Variants in TAPBPL observed in about 807,000 individuals in gnomAD.
The protein encoded by TAPBPL is TAP binding protein like, also known as tapasin-related protein.
A neutral mutation model predicts 44.8 loss-of-function variants in TAPBPL; 32 were observed. The ratio of observed to expected loss-of-function variants is 0.71; its 90% CI spans 0.54 to 0.96. The LOEUF is 0.96. TAPBPL is among the 40% of genes least tolerant of loss of function. The pLI is 0.00. For missense variants in TAPBPL, 520 were observed against 586.6 expected, an observed-to-expected ratio of 0.89 and a Z score of 1.17; for synonymous variants, 230 against 240.7, an observed-to-expected ratio of 0.96 and a Z score of 0.41.
At chr12:6,471,178 C>G (rs767737285), downstream of TAPBPL, among the ~76,000 whole-genome samples, 1 of 152,168 alleles carries the variant, frequency 6.6e-6, no homozygotes, top group Non-Finnish European at 1.5e-5. This position sits in a 1 kb window ranked among gnomAD's most constrained non-coding sequence, Gnocchi z 4.0. Flanking sequence ...GCAGGAGCCT[C>G]GAGACACAGC....
At position 6,453,673 on chromosome 12, in the gene TAPBPL, G is replaced by A. The variant is rs757552509; in HGVS notation, c.522G>A (p.Thr174=). 46 of 1,612,788 alleles carry A rather than the reference G, an allele frequency of 2.9e-5. No homozygotes were observed. Among genetic ancestry groups the A allele is most frequent in the Middle Eastern group, 1.8e-4 (1 of 5,580 alleles). The change falls in exon 3 of 7, where the codon ACG becomes ACA. Residue 174 remains threonine (T), a synonymous_variant. Transcript: ENST00000266556. The surrounding 1 kb of genome is among the most constrained non-coding windows in gnomAD (Gnocchi z 4.8). ...AGAATGAGGCGCTCTGGCACCCGAC[G>A]CTGAACTTGCCACTGAGCCCCCAGG... ...VTKNEALWHP[T]LNLPLSPQGT... is the part of the protein sequence containing the mutation.
Position 6,453,175 on chromosome 12 carries a change from C to T in TAPBPL, c.173C>T (p.Ala58Val). ...RGALASSEDR[A>V]RASLVLKQVP... ...GCTCTCGCCAGCAGTGAGGACAGGGCAAGGGCCTCCCTTGTGCTGAAGCAG... is the reference window on the plus strand; with the variant it reads ...GCTCTCGCCAGCAGTGAGGACAGGGTAAGGGCCTCCCTTGTGCTGAAGCAG... Residue 58 changes from alanine to valine, a missense_variant, in exon 2 of 7, where the codon GCA becomes GTA. By Grantham distance (64) the Ala-to-Val change is moderately conservative. Transcript: ENST00000266556. This position sits in a 1 kb window ranked among gnomAD's most constrained non-coding sequence, Gnocchi z 4.8. 6.2e-7 allele frequency: 1 copy of T among 1,610,954 alleles called. No homozygotes were observed. Among genetic ancestry groups the T allele is most frequent in the Non-Finnish European group, 8.5e-7 (1 of 1,178,902 alleles).
downstream of TAPBPL, chr12:6,465,238 G>A (rs577948742): frequency 1.4e-4 from 65 of 459,842 alleles, no homozygotes; most frequent in African/African-American, 1.1e-3. Context: ...ACAGACTCTG[G>A]ATATTTAACC....
In TAPBPL at chr12:6,453,420, CTCTG is replaced by C; in HGVS notation, c.296-25_296-22del. 2.5e-6 allele frequency: 4 copies of C among 1,612,682 alleles called. No individual in the cohort carries two copies. Among genetic ancestry groups the C allele is most frequent in the Non-Finnish European group, 3.4e-6 (4 of 1,179,124 alleles). ...CCTGGTGTTCTCACGCTAATTTGCC[CTCTG>C]TGTGTGCCCTGCTTCTCCCCAGTGG... On this transcript the variant is annotated intron_variant, in intron 2 of 6. Coordinates refer to ENST00000266556, the MANE Select transcript of TAPBPL (RefSeq NM_018009.5). This position sits in a 1 kb window ranked among gnomAD's most constrained non-coding sequence, Gnocchi z 4.8.
At chr12:6,465,810 G>T (rs766023122), downstream of TAPBPL, 18 of 1,611,246 alleles carry the variant, frequency 1.1e-5, no homozygotes, top group East Asian at 4.0e-4. Flanking sequence ...GGAAGCCCAG[G>T]AAAAGATGGA....
At chr12:6,454,505 G>A (rs1387392537) in intron 3 of TAPBPL, among the ~76,000 whole-genome samples, 1 of 152,078 alleles carries the variant, frequency 6.6e-6, no homozygotes, top group Non-Finnish European at 1.5e-5. Context: ...GAGTCCACAA[G>A]AGAATGCTTC....
In TAPBPL at chr12:6,458,895, A is replaced by G; in HGVS notation, c.1155A>G (p.Thr385=). ...SAGATYTCQV[T]HISLEEPLGA... ...GTGCCACTTACACCTGCCAGGTCAC[A>G]CACATCTCTCTGGAGGAGCCCCTTG... Residue 385 remains threonine, a synonymous_variant, in exon 5 of 7, where the codon ACA becomes ACG. Transcript: ENST00000266556. 6.2e-7 allele frequency: 1 copy of G among 1,614,138 alleles called. No individual in the cohort carries two copies. The highest frequency in any genetic ancestry group is 8.5e-7 in the Non-Finnish European group (1 of 1,180,028).
chr12:6,466,997 CA>C (rs1293302045), downstream of TAPBPL: 1 of 166,842 alleles, frequency 6.0e-6, no homozygotes, highest in Admixed American at 6.4e-5. Context: ...ATGGGTTTAT[CA>C]GTGGTTTCTG....
At chr12:6,464,528 G>C (rs1282425242), downstream of TAPBPL, 2 of 1,475,198 alleles carry the variant, frequency 1.4e-6, no homozygotes, top group African/African-American at 1.4e-5. Context: ...AAAAGAGAAA[G>C]AGACAGGAGA....
At position 6,458,742 on chromosome 12, in the gene TAPBPL, G is replaced by C; in HGVS notation, c.1002G>C (p.Thr334=). 6.2e-7 allele frequency: 1 copy of C among 1,614,106 alleles called. No homozygotes were observed. The highest frequency in any genetic ancestry group is 2.2e-5 in the East Asian group (1 of 44,872). ...ATTACCCTCTGGATGTGGTGGTGAC[G>C]TGGACCCGAGAGGAGCTGGGTGGAT... The part of the protein sequence containing the change: ...AGYYPLDVVV[T]WTREELGGSP... Residue 334 remains threonine (T), a synonymous_variant, in exon 5 of 7, where the codon ACG becomes ACC. Coordinates refer to ENST00000266556, the MANE Select transcript of TAPBPL (RefSeq NM_018009.5).
downstream of TAPBPL, chr12:6,470,788 C>T: frequency 1.8e-6 from 1 of 547,056 alleles, no homozygotes; most frequent in South Asian, 2.3e-5. Flanking sequence ...GCGCTACAGG[C>T]CTAGCCCGCC....
downstream of TAPBPL, chr12:6,464,048 C>T (rs1003001207): frequency 1.5e-6 from 2 of 1,297,084 alleles, no homozygotes; most frequent in Non-Finnish European, 2.0e-6. Flanking sequence ...ATCTTCCCAG[C>T]CCCTCCCTAG....
At chr12:6,471,164 G>T (rs966968382), downstream of TAPBPL, among the ~76,000 whole-genome samples, 6 of 152,222 alleles carry the variant, frequency 3.9e-5, no homozygotes, top group Non-Finnish European at 8.8e-5. This position sits in a 1 kb window ranked among gnomAD's most constrained non-coding sequence, Gnocchi z 4.0. Context: ...CGCTCTGAGA[G>T]GGTGCAGGAG....
At chr12:6,451,816 G>C (rs986041242), upstream of TAPBPL, 1 of 273,650 alleles carries the variant, frequency 3.7e-6, no homozygotes. Flanking sequence ...TTTCTCAGCC[G>C]GTTATGTTGG....
At chr12:6,452,422 G>A in intron 1 of TAPBPL, 110 bp downstream of exon 1, 3 of 1,466,228 alleles carry the variant, frequency 2.0e-6, no homozygotes, top group South Asian at 1.4e-5. Flanking sequence ...TGACCCCATC[G>A]CCTTCTAAGC....
downstream of TAPBPL, chr12:6,465,768 A>T (rs896598679): frequency 1.3e-6 from 2 of 1,569,990 alleles, no homozygotes; most frequent in Admixed American, 3.4e-5. Flanking sequence ...GAAGAAATGT[A>T]GAAGCTGAGG....
At chr12:6,461,241 G>T in intron 6 of TAPBPL, 1 of 1,218,460 alleles carries the variant, frequency 8.2e-7, no homozygotes, top group Non-Finnish European at 1.0e-6. Flanking sequence ...GGTGGCACCA[G>T]CTCATGGGGC....
At chr12:6,461,475 G>C in intron 6 of TAPBPL, 1 of 992,028 alleles carries the variant, frequency 1.0e-6, no homozygotes, top group Non-Finnish European at 1.2e-6. Flanking sequence ...GTTGGGGCTG[G>C]GCTACCCCTC....
At chr12:6,460,819 C>A (rs374461603) in intron 5 of TAPBPL, 36 bp from the exon 6 acceptor site, 3 of 1,608,284 alleles carry the variant, frequency 1.9e-6, no homozygotes, top group East Asian at 4.5e-5. Flanking sequence ...GATTCCTGCG[C>A]ACGATGATCC....
Sources: gnomAD v4.1 joint callset for allele counts (sites outside exome capture counted in the v4.1 genomes callset) on GRCh38, gnomAD v4.1.1 for gene constraint, Gnocchi (gnomAD v3.1) non-coding constraint, MANE v1.5 for transcripts, NCBI Gene and HGNC (gene_info 2026-07-23, HGNC 2026-07-21) for gene names.